The following ANO10 variants were observed in gnomAD, a reference collection of about 807,000 sequenced individuals.
The protein encoded by ANO10 is anoctamin 10, also known as anoctamin-10.
ANO10 carries 77 observed loss-of-function variants against 74.7 expected under a neutral mutation model. The ratio of observed to expected loss-of-function variants is 1.03; its 90% CI spans 0.86 to 1.25. ANO10 has a LOEUF of 1.25. ANO10 is among the 50% of genes most tolerant of loss of function. The pLI is 0.00. For missense variants in ANO10, 721 were observed against 778.1 expected (o/e 0.93, Z 0.87); for synonymous variants, 279 against 284.9 (o/e 0.98, Z 0.21).
At chr3:43,459,982 A>G (rs563835287) in intron 11 of ANO10, among the ~76,000 whole-genome samples, 2 of 152,356 alleles carry the variant, frequency 1.3e-5, no homozygotes, top group African/African-American at 4.8e-5. Flanking sequence ...AATGCTATGC[A>G]TTGGTTTAGA....
chr3:43,482,183 C>T (rs1416737367), intron 11 of ANO10, among the ~76,000 whole-genome samples: 1 of 152,032 alleles, frequency 6.6e-6, no homozygotes, highest in Non-Finnish European at 1.5e-5. Context: ...CTGCCTTGGC[C>T]TCCCAAAGTG....
At chr3:43,441,423 G>A (rs2093158339) in intron 11 of ANO10, among the ~76,000 whole-genome samples, 1 of 151,786 alleles carries the variant, frequency 6.6e-6, no homozygotes, top group African/African-American at 2.4e-5. Context: ...AGAAATAAAT[G>A]AATTCCTAGA....
intron 1 of ANO10, among the ~76,000 whole-genome samples, chr3:43,672,414 C>T (rs935724522): frequency 6.6e-6 from 1 of 152,044 alleles, no homozygotes; most frequent in Non-Finnish European, 1.5e-5. Context: ...GCCTGCTCTC[C>T]CAGCTAGTTG....
chr3:43,443,873 G>T (rs1005385685), intron 11 of ANO10, among the ~76,000 whole-genome samples: 4 of 151,642 alleles, frequency 2.6e-5, no homozygotes, highest in Non-Finnish European at 5.9e-5. Flanking sequence ...AGTAGAGACG[G>T]GTTTCACCAT....
intron 7 of ANO10, among the ~76,000 whole-genome samples, chr3:43,572,339 T>C (rs2080773956): frequency 6.6e-6 from 1 of 152,118 alleles, no homozygotes; most frequent in African/African-American, 2.4e-5. Context: ...CAGGCAGCAC[T>C]GGCAAGAAGG....
chr3:43,431,911 A>G (rs1408305146), intron 12 of ANO10, among the ~76,000 whole-genome samples: 1 of 152,176 alleles, frequency 6.6e-6, no homozygotes, highest in South Asian at 2.1e-4. Flanking sequence ...AGTGGTTTGG[A>G]GGCCAAAGAA....
chr3:43,401,201 G>C (rs2092475167), intron 12 of ANO10, among the ~76,000 whole-genome samples: 1 of 152,104 alleles, frequency 6.6e-6, no homozygotes, highest in Admixed American at 6.6e-5. Flanking sequence ...AAGACAGAAT[G>C]GCCACAGCAT....
chr3:43,434,491 A>C (rs1467249410), intron 11 of ANO10, among the ~76,000 whole-genome samples: 7 of 152,236 alleles, frequency 4.6e-5, no homozygotes, highest in Admixed American at 3.9e-4. Context: ...GAAGTACACA[A>C]ATTAGTAGAT....
At chr3:43,482,479 C>T (rs1371874353) in intron 11 of ANO10, among the ~76,000 whole-genome samples, 1 of 152,112 alleles carries the variant, frequency 6.6e-6, no homozygotes, top group Non-Finnish European at 1.5e-5. Context: ...CCCAGTGTGA[C>T]ACCTGCTATG....
rs1046935878 is a variant in ANO10 at position 43,367,273 on chromosome 3, G to A, written c.1915-299C>T. On this transcript the variant is annotated intron_variant, in intron 12 of 12. Coordinates refer to ENST00000292246, the MANE Select transcript of ANO10 (RefSeq NM_018075.5). ...GATGGCCAGGATGAGGGGAATAGGC[G>A]GACAGGGCCTGAGAGAGGACGGGGC... Among the ~76,000 whole-genome samples, 12 of 152,192 alleles carry A rather than the reference G, an allele frequency of 7.9e-5. No individual in the cohort carries two copies. The South Asian group carries it at 1.7e-3, about 21-fold the overall frequency.
At chr3:43,398,662 T>C (rs2092424910) in intron 12 of ANO10, among the ~76,000 whole-genome samples, 1 of 152,232 alleles carries the variant, frequency 6.6e-6, no homozygotes, top group Admixed American at 6.5e-5. Context: ...GGAGCTTGCC[T>C]GCTTGTTACA....
intron 1 of ANO10, among the ~76,000 whole-genome samples, chr3:43,644,545 AC>A (rs1232778281): frequency 2.6e-5 from 4 of 152,140 alleles, no homozygotes; most frequent in African/African-American, 9.7e-5. Flanking sequence ...GATCTGGCCT[AC>A]CTGGCCTGCT....
intron 11 of ANO10, among the ~76,000 whole-genome samples, chr3:43,513,214 C>T (rs887621096): frequency 2.0e-5 from 3 of 152,118 alleles, no homozygotes; most frequent in Non-Finnish European, 4.4e-5. Flanking sequence ...TGTCTGTCAC[C>T]ACCAGCCAGA....
chr3:43,525,638 TA>T (rs2078162236), intron 11 of ANO10, among the ~76,000 whole-genome samples: 1 of 152,198 alleles, frequency 6.6e-6, no homozygotes, highest in Non-Finnish European at 1.5e-5. Flanking sequence ...AGAAGTAATG[TA>T]AATGGGATAG....
At chr3:43,496,649 G>A (rs1050354941) in intron 11 of ANO10, among the ~76,000 whole-genome samples, 2 of 151,884 alleles carry the variant, frequency 1.3e-5, no homozygotes, top group African/African-American at 4.8e-5. Context: ...GCAGAGACAA[G>A]GTTTCGTCAT....
At chr3:43,455,171 A>G (rs964451496) in intron 11 of ANO10, among the ~76,000 whole-genome samples, 10 of 152,100 alleles carry the variant, frequency 6.6e-5, no homozygotes, top group Non-Finnish European at 1.3e-4. Flanking sequence ...AAGCAAGGTC[A>G]TGAGCCAAGA....
At chr3:43,405,461 T>C (rs553979198) in intron 12 of ANO10, among the ~76,000 whole-genome samples, 1 of 152,226 alleles carries the variant, frequency 6.6e-6, no homozygotes, top group Non-Finnish European at 1.5e-5. Flanking sequence ...TATGAGAAAC[T>C]GGCAAATTAT....
chr3:43,554,937 C>T (rs532126702), intron 10 of ANO10, among the ~76,000 whole-genome samples: 1 of 152,254 alleles, frequency 6.6e-6, no homozygotes, highest in Non-Finnish European at 1.5e-5. Flanking sequence ...TCTAGGCTCC[C>T]CATGTGGCTT....
chr3:43,397,083 C>T (rs1213677034), intron 12 of ANO10, among the ~76,000 whole-genome samples: 4 of 152,032 alleles, frequency 2.6e-5, no homozygotes, highest in Admixed American at 6.6e-5. Flanking sequence ...GCATGTGCCA[C>T]CACACCCAGC....
Sources: gnomAD v4.1 joint callset for allele counts (sites outside exome capture counted in the v4.1 genomes callset) on GRCh38, gnomAD v4.1.1 for gene constraint, MANE v1.5 for transcripts, NCBI Gene and HGNC (gene_info 2026-07-23, HGNC 2026-07-21) for gene names.